OSBPL6: variants seen among roughly 807,000 people sequenced by gnomAD.
OSBPL6 encodes oxysterol binding protein like 6, also known as oxysterol-binding protein-related protein 6.
A neutral mutation model predicts 125.8 loss-of-function variants in OSBPL6; 49 were observed. That is an observed-to-expected ratio of 0.39 (90% CI 0.31 to 0.49). The LOEUF (loss-of-function observed/expected upper bound fraction) is 0.49, where lower values mean the gene tolerates loss of function less well. OSBPL6 is among the 20% of genes least tolerant of loss of function. The probability of loss-of-function intolerance (pLI) is 0.88; values close to 1 mark genes in which losing one functional copy is unlikely to be tolerated. For synonymous variants in OSBPL6, 394 were observed against 391.8 expected (o/e 1.01, Z -0.07); for missense variants, 986 against 1,135.4 (o/e 0.87, Z 1.89).
intron 15 of OSBPL6, among the ~76,000 whole-genome samples, chr2:178,377,246 G>A (rs1054831132): frequency 6.6e-6 from 1 of 152,222 alleles, no homozygotes; most frequent in Non-Finnish European, 1.5e-5. Flanking sequence ...GAAGGCCAAG[G>A]GGAAGCCAGC....
intron 5 of OSBPL6, among the ~76,000 whole-genome samples, chr2:178,329,393 A>G (rs1030341013): frequency 6.6e-6 from 1 of 151,194 alleles, no homozygotes; most frequent in African/African-American, 2.4e-5. Flanking sequence ...TTCAGTTTAA[A>G]CTATTATTTT....
intron 2 of OSBPL6, among the ~76,000 whole-genome samples, chr2:178,288,338 C>T (rs749974160): frequency 6.6e-6 from 1 of 152,128 alleles, no homozygotes; most frequent in Non-Finnish European, 1.5e-5. Flanking sequence ...TTCGTTCTTG[C>T]CTGTTGAAAA....
intron 3 of OSBPL6, among the ~76,000 whole-genome samples, chr2:178,317,853 T>C (rs1687896399): frequency 6.6e-6 from 1 of 152,200 alleles, no homozygotes; most frequent in Admixed American, 6.5e-5. Flanking sequence ...TAGTATTATT[T>C]TCAGGTCACA....
intron 12 of OSBPL6, among the ~76,000 whole-genome samples, chr2:178,350,640 C>A (rs1225648584): frequency 2.0e-5 from 3 of 152,210 alleles, no homozygotes; most frequent in African/African-American, 7.2e-5. Flanking sequence ...CTCTCTCTTA[C>A]CTGCCATTTT....
rs1461827173 is a variant in OSBPL6 at position 178,397,370 on chromosome 2, A to C, written c.*1811A>C. On this transcript the variant is annotated 3_prime_UTR_variant, in exon 25 of 25. Transcript: ENST00000190611. ...CAACAATACCCTCTCTATTCCTCTC[A>C]TTCCCATTTTAAATCCATAGGTGGC... 1 of 152,180 alleles carries C rather than the reference A, an allele frequency of 6.6e-6. No individual in the cohort carries two copies. The highest frequency in any genetic ancestry group is 1.5e-5 in the Non-Finnish European group (1 of 68,044). The allele number at this position is 152,180 out of a possible 1,614,324, so 9.4% of individuals were successfully genotyped here.
At chr2:178,231,184 C>A (rs112501574) in intron 1 of OSBPL6, among the ~76,000 whole-genome samples, 1 of 152,104 alleles carries the variant, frequency 6.6e-6, no homozygotes, top group East Asian at 1.9e-4. Context: ...GCTTGAGCAG[C>A]GGTGTCTGAT....
chr2:178,269,694 T>C (rs1053337185), intron 1 of OSBPL6, among the ~76,000 whole-genome samples: 2 of 152,130 alleles, frequency 1.3e-5, no homozygotes, highest in Admixed American at 1.3e-4. Context: ...GGCCTTGTTA[T>C]ATTACAGAGT....
At chr2:178,220,449 A>G (rs879272348) in intron 1 of OSBPL6, among the ~76,000 whole-genome samples, 2 of 151,976 alleles carry the variant, frequency 1.3e-5, no homozygotes, top group Non-Finnish European at 1.5e-5. Flanking sequence ...GATGCACACC[A>G]CCATGGCTGG....
At chr2:178,328,141 C>T in intron 4 of OSBPL6, 115 bp from the exon 5 acceptor site, 1 of 1,324,580 alleles carries the variant, frequency 7.5e-7, no homozygotes, top group Admixed American at 2.3e-5. Context: ...GTTGTTCATC[C>T]TTCTTTCTGG....
At chr2:178,357,498 G>C (rs1336826079) in intron 12 of OSBPL6, among the ~76,000 whole-genome samples, 3 of 152,178 alleles carry the variant, frequency 2.0e-5, no homozygotes, top group Admixed American at 1.3e-4. Flanking sequence ...CATCATCACT[G>C]GTGATCAGAG....
intron 1 of OSBPL6, among the ~76,000 whole-genome samples, chr2:178,242,609 A>C (rs2091334777): frequency 6.6e-6 from 1 of 152,224 alleles, no homozygotes; most frequent in Non-Finnish European, 1.5e-5. Flanking sequence ...GTGATACTTT[A>C]GTTTTAAAAA....
intron 15 of OSBPL6, among the ~76,000 whole-genome samples, chr2:178,379,251 GAA>G (rs1694182615): frequency 7.0e-6 from 1 of 143,618 alleles, no homozygotes; most frequent in Non-Finnish European, 1.5e-5. Context: ...GAGAGAGAGA[GAA>G]AGAAAAACAA....
At chr2:178,254,989 T>G (rs552556179) in intron 1 of OSBPL6, among the ~76,000 whole-genome samples, 1 of 152,140 alleles carries the variant, frequency 6.6e-6, no homozygotes, top group Admixed American at 6.5e-5. Flanking sequence ...CAAAGTCACG[T>G]CTTACAGGGT....
intron 1 of OSBPL6, among the ~76,000 whole-genome samples, chr2:178,220,047 G>A (rs2153968286): frequency 6.6e-6 from 1 of 152,270 alleles, no homozygotes; most frequent in South Asian, 2.1e-4. Context: ...ATAATGTCAT[G>A]CTGTAGGTCT....
At chr2:178,284,184 G>A (rs1684479558) in intron 1 of OSBPL6, among the ~76,000 whole-genome samples, 1 of 152,100 alleles carries the variant, frequency 6.6e-6, no homozygotes, top group South Asian at 2.1e-4. Context: ...GACTGTTCAT[G>A]CGTTTTTTTC....
In OSBPL6 at chr2:178,339,052, A is replaced by C. The variant is rs565483524; in HGVS notation, c.852A>C (p.Ile284=). The part of the protein sequence containing the change: ...ELSKLLQNLE[I]LQRTQSAPNF... ...GCAAACTCCTGCAAAATTTGGAAATACTTCAGAGAACTCAGTCGGCACCTA... is the reference window on the plus strand; with the variant it reads ...GCAAACTCCTGCAAAATTTGGAAATCCTTCAGAGAACTCAGTCGGCACCTA... Residue 284 remains isoleucine, a synonymous_variant, in exon 10 of 25, where the codon ATA becomes ATC. Transcript: ENST00000190611. 8 of 1,613,340 alleles carry C rather than the reference A, an allele frequency of 5.0e-6. No homozygotes were observed. The highest frequency in any genetic ancestry group is 6.8e-6 in the Non-Finnish European group (8 of 1,179,602).
At chr2:178,287,142 CT>C (rs149974443) in intron 2 of OSBPL6, among the ~76,000 whole-genome samples, 49,876 of 106,306 alleles carry the variant, frequency 0.47, 9,887 homozygotes, top group East Asian at 0.66. Context: ...AATGGTTCTT[CT>C]TTTTTTAAAA....
chr2:178,335,856 G>A (rs1485481957), intron 8 of OSBPL6, among the ~76,000 whole-genome samples: 2 of 152,132 alleles, frequency 1.3e-5, no homozygotes, highest in East Asian at 3.8e-4. Flanking sequence ...GCATTGCAAG[G>A]TTGCTTACTG....
At chr2:178,241,793 T>C (rs1041886437) in intron 1 of OSBPL6, among the ~76,000 whole-genome samples, 1 of 152,228 alleles carries the variant, frequency 6.6e-6, no homozygotes, top group Non-Finnish European at 1.5e-5. Flanking sequence ...TTAAGATGAT[T>C]TTATGGGCCA....
Sources: allele counts gnomAD v4.1 joint callset (sites outside exome capture counted in the v4.1 genomes callset), GRCh38; gene constraint gnomAD v4.1.1; transcripts MANE v1.5; gene names NCBI Gene and HGNC (gene_info 2026-07-23, HGNC 2026-07-21).